The following HS3ST3A1 variants were observed in gnomAD, a reference collection of about 807,000 sequenced individuals.
HS3ST3A1 encodes heparan sulfate-glucosamine 3-sulfotransferase 3A1, also known as heparan sulfate glucosamine 3-O-sulfotransferase 3A1.
In HS3ST3A1, 19 loss-of-function variants were observed where a neutral mutation model predicts 25.7. That is an observed-to-expected ratio of 0.74 (90% CI 0.52 to 1.08). The LOEUF (loss-of-function observed/expected upper bound fraction) is 1.08. HS3ST3A1 is among the 50% of genes least tolerant of loss of function. HS3ST3A1 has a pLI of 0.00. For synonymous variants in HS3ST3A1, 226 were observed against 278.6 expected, an observed-to-expected ratio of 0.81 and a Z score of 1.88; for missense variants, 459 against 594.3, an observed-to-expected ratio of 0.77 and a Z score of 2.37.
At chr17:13,539,549 G>A (rs8074283) in intron 1 of HS3ST3A1, among the ~76,000 whole-genome samples, 66,812 of 151,964 alleles carry the variant, frequency 0.44, 16,283 homozygotes, top group African/African-American at 0.66. Context: ...GTTTGTTATT[G>A]GATTCTCATT....
intron 1 of HS3ST3A1, among the ~76,000 whole-genome samples, chr17:13,572,344 C>T (rs1598429752): frequency 6.6e-6 from 1 of 152,124 alleles, no homozygotes. Flanking sequence ...AAAGGTTGGG[C>T]TCCTGTGTCC....
intron 1 of HS3ST3A1, among the ~76,000 whole-genome samples, chr17:13,592,360 T>C (rs1287904803): frequency 1.3e-5 from 2 of 152,164 alleles, no homozygotes; most frequent in African/African-American, 4.8e-5. Flanking sequence ...ATCCAGCACA[T>C]AGTGTAGCCT....
chr17:13,600,408 C>T, intron 1 of HS3ST3A1, 123 bp downstream of exon 1: 1 of 1,405,176 alleles, frequency 7.1e-7, no homozygotes, highest in Non-Finnish European at 9.2e-7. Flanking sequence ...CCCTTGACGA[C>T]CCTTCGCCTT....
intron 1 of HS3ST3A1, among the ~76,000 whole-genome samples, chr17:13,574,622 G>A (rs1907903319): frequency 6.6e-6 from 1 of 151,892 alleles, no homozygotes; most frequent in South Asian, 2.1e-4. Flanking sequence ...GGAGGCTGAG[G>A]CAGGAGAATG....
chr17:13,563,293 G>T (rs982264130), intron 1 of HS3ST3A1, among the ~76,000 whole-genome samples: 1 of 151,966 alleles, frequency 6.6e-6, no homozygotes, highest in Admixed American at 6.6e-5. Flanking sequence ...GGTATAAAGG[G>T]AATGAAGGGA....
At chr17:13,584,695 G>A (rs1380263140) in intron 1 of HS3ST3A1, among the ~76,000 whole-genome samples, 1 of 152,116 alleles carries the variant, frequency 6.6e-6, no homozygotes, top group Non-Finnish European at 1.5e-5. Context: ...AGGGCATATA[G>A]GTGCAGTAAC....
At chr17:13,544,124 A>T (rs1907014920) in intron 1 of HS3ST3A1, among the ~76,000 whole-genome samples, 2 of 152,248 alleles carry the variant, frequency 1.3e-5, no homozygotes, top group African/African-American at 4.8e-5. Flanking sequence ...AAAAGAAAAA[A>T]TATATAATGC....
At chr17:13,576,350 C>T (rs1270024779) in intron 1 of HS3ST3A1, among the ~76,000 whole-genome samples, 2 of 152,198 alleles carry the variant, frequency 1.3e-5, no homozygotes, top group African/African-American at 4.8e-5. Context: ...AGCTCACTCA[C>T]GTGGCTGTTG....
intron 1 of HS3ST3A1, among the ~76,000 whole-genome samples, chr17:13,499,717 A>G (rs1905403280): frequency 6.6e-6 from 1 of 152,174 alleles, no homozygotes; most frequent in South Asian, 2.1e-4. Context: ...AAGGAACCAT[A>G]TTTTAAATAA....
At chr17:13,539,248 TAGC>T (rs773253065) in intron 1 of HS3ST3A1, among the ~76,000 whole-genome samples, 44 of 152,186 alleles carry the variant, frequency 2.9e-4, no homozygotes, top group Non-Finnish European at 5.0e-4. Flanking sequence ...CACATTCTAG[TAGC>T]TGATGCAAAT....
At chr17:13,526,493 T>C (rs1020364496) in intron 1 of HS3ST3A1, among the ~76,000 whole-genome samples, 1 of 130,750 alleles carries the variant, frequency 7.6e-6, no homozygotes, top group Non-Finnish European at 1.6e-5. Context: ...TATATATATA[T>C]ATATATATAT....
At chr17:13,522,853 GAC>G (rs374742145) in intron 1 of HS3ST3A1, among the ~76,000 whole-genome samples, 6,517 of 148,410 alleles carry the variant, frequency 0.044, 299 homozygotes, top group African/African-American at 0.098. Context: ...CACACAGAGA[GAC>G]ACACACACAC....
chr17:13,528,820 A>G lies in HS3ST3A1; in HGVS notation c.600-32002T>C, dbSNP rs188814842. ...AGGAGTTGAATGAGTAGGAAAGAAG[A>G]AAATAGGCATTTCAAGCAGCGGGAT... On this transcript the variant is annotated intron_variant, in intron 1 of 1. Transcript: ENST00000284110. Among the ~76,000 whole-genome samples the G allele has an allele frequency of 4.6e-5, 7 of 152,132 alleles. No homozygotes were observed. The East Asian group carries it at 1.4e-3, about 30-fold the overall frequency.
At chr17:13,502,465 T>G (rs1905511225) in intron 1 of HS3ST3A1, among the ~76,000 whole-genome samples, 1 of 152,100 alleles carries the variant, frequency 6.6e-6, no homozygotes, top group African/African-American at 2.4e-5. Flanking sequence ...ATATGCATGG[T>G]GCATCCGATA....
intron 1 of HS3ST3A1, among the ~76,000 whole-genome samples, chr17:13,541,160 G>C (rs901003719): frequency 6.6e-6 from 1 of 152,170 alleles, no homozygotes; most frequent in Admixed American, 6.5e-5. Context: ...GGATGCCAAA[G>C]ATTTCCTATC....
At chr17:13,554,501 C>T (rs1907321668) in intron 1 of HS3ST3A1, among the ~76,000 whole-genome samples, 1 of 152,194 alleles carries the variant, frequency 6.6e-6, no homozygotes, top group Admixed American at 6.5e-5. Flanking sequence ...AGCCGCTAGG[C>T]CCTGTGCGGT....
chr17:13,527,822 T>C (rs1906482342), intron 1 of HS3ST3A1, among the ~76,000 whole-genome samples: 1 of 152,216 alleles, frequency 6.6e-6, no homozygotes, highest in African/African-American at 2.4e-5. Context: ...TTATCTGTAA[T>C]TGCGTGGGGA....
chr17:13,570,776 T>A (rs1231971672), intron 1 of HS3ST3A1, among the ~76,000 whole-genome samples: 2 of 152,246 alleles, frequency 1.3e-5, no homozygotes, highest in South Asian at 2.1e-4. Flanking sequence ...AGCCTACAAC[T>A]TATTTAAACA....
Position 13,600,922 on chromosome 17 carries a change from C to A in HS3ST3A1, c.208G>T (p.Val70Phe). The change falls in exon 1 of 2, where the codon GTC becomes TTC. Residue 70 changes from valine to phenylalanine, a missense_variant. Val to Phe is a conservative substitution (Grantham distance 50). This residue lies in a region of HS3ST3A1 where 346 missense variants were observed against 303.9 expected (regional missense o/e 1.14). Transcript: ENST00000284110. ...GEEAGAPGGG[V>F]LAGGPRELAV... ...AGCTCCCTCGGGCCTCCGGCCAGGA[C>A]GCCGCCACCAGGGGCCCCCGCCTCC... 6.5e-7 allele frequency: 1 copy of A among 1,529,082 alleles called. No homozygotes were observed. The highest frequency in any genetic ancestry group is 8.8e-7 in the Non-Finnish European group (1 of 1,138,918). The allele number at this position is 1,529,082 out of a possible 1,614,324, so 94.7% of individuals were successfully genotyped here.
Sources: allele counts gnomAD v4.1 joint callset (sites outside exome capture counted in the v4.1 genomes callset), GRCh38; gene constraint gnomAD v4.1.1; regional missense constraint gnomAD v4.1.1; transcripts MANE v1.5; gene names NCBI Gene and HGNC (gene_info 2026-07-23, HGNC 2026-07-21).